SLC25A21: variants seen among roughly 807,000 people sequenced by gnomAD.
SLC25A21 encodes the protein solute carrier family 25 member 21.
In SLC25A21, 47 loss-of-function variants were observed where a neutral mutation model predicts 43.8. The ratio of observed to expected loss-of-function variants is 1.07; its 90% confidence interval spans 0.85 to 1.37. The LOEUF is 1.37. Ranked by LOEUF, SLC25A21 falls within the 40% of genes most tolerant of loss-of-function variation. SLC25A21 has a pLI of 0.00. For missense variants in SLC25A21, 352 were observed against 350.2 expected (o/e 1.00, Z -0.04); for synonymous variants, 131 against 121.3 (o/e 1.08, Z -0.52).
At chr14:37,147,440 T>C (rs1963684449) in intron 1 of SLC25A21, among the ~76,000 whole-genome samples, 1 of 152,086 alleles carries the variant, frequency 6.6e-6, no homozygotes, top group Non-Finnish European at 1.5e-5. Flanking sequence ...CACCTTCCTA[T>C]CTCATTGTCA....
At chr14:37,029,758 CTTTTT>C (rs57538608) in intron 1 of SLC25A21, among the ~76,000 whole-genome samples, 9 of 106,258 alleles carry the variant, frequency 8.5e-5, no homozygotes, top group East Asian at 2.8e-4. Flanking sequence ...TAATAGCCGA[CTTTTT>C]TTTTTTTTTT....
chr14:36,711,514 C>G lies in SLC25A21; in HGVS notation c.439-32G>C, dbSNP rs769511575. On this transcript the variant is annotated intron_variant, in intron 6 of 9. Transcript: ENST00000331299. ...AAGAGAGAAGCAAGGCCAGAATGAT[C>G]ATCTTTGGGACTGTGGAATACAGTA... is the stretch of plus-strand genomic sequence containing the variant. 3.1e-6 allele frequency: 5 copies of G among 1,608,808 alleles called. No individual in the cohort carries two copies. In the South Asian group the frequency reaches 5.6e-5, roughly 18 times the overall value.
intron 2 of SLC25A21, among the ~76,000 whole-genome samples, chr14:36,845,769 A>G (rs1468704462): frequency 6.6e-6 from 1 of 152,220 alleles, no homozygotes; most frequent in Non-Finnish European, 1.5e-5. Context: ...CATACTCTTG[A>G]CAGGCAAGTC....
chr14:36,995,639 G>GT (rs1441565599), intron 1 of SLC25A21, among the ~76,000 whole-genome samples: 2 of 152,182 alleles, frequency 1.3e-5, no homozygotes, highest in African/African-American at 4.8e-5. Context: ...AGTTAAAAAT[G>GT]TAAGTCACAC....
At chr14:36,950,258 T>C (rs1892775261) in intron 1 of SLC25A21, among the ~76,000 whole-genome samples, 1 of 152,184 alleles carries the variant, frequency 6.6e-6, no homozygotes, top group Non-Finnish European at 1.5e-5. Context: ...TAGCTTGTTA[T>C]GGATTGAACT....
intron 6 of SLC25A21, among the ~76,000 whole-genome samples, chr14:36,714,170 T>C (rs1478218275): frequency 6.6e-6 from 1 of 152,170 alleles, no homozygotes; most frequent in African/African-American, 2.4e-5. Context: ...ATCATAAAAA[T>C]AGTTATAACA....
At chr14:36,740,857 A>T (rs1437197989) in intron 3 of SLC25A21, among the ~76,000 whole-genome samples, 1 of 152,268 alleles carries the variant, frequency 6.6e-6, no homozygotes, top group South Asian at 2.1e-4. Flanking sequence ...CCTGTTTTTA[A>T]GTCTAAATTT....
intron 6 of SLC25A21, among the ~76,000 whole-genome samples, chr14:36,712,344 C>T (rs1298577490): frequency 6.7e-6 from 1 of 148,714 alleles, no homozygotes; most frequent in South Asian, 2.1e-4. Flanking sequence ...GGAAACTGTT[C>T]AGTGCTTTTT....
chr14:36,711,388 C>T lies in SLC25A21; in HGVS notation c.533G>A (p.Arg178Gln), dbSNP rs997068435. The T allele has an allele frequency of 1.2e-5, 19 of 1,613,984 alleles. No individual in the cohort carries two copies. The highest frequency in any genetic ancestry group is 3.3e-5 in the Admixed American group (2 of 59,990). The change falls in exon 7 of 10, where the codon CGA (arginine) becomes CAA (glutamine). Residue 178 changes from arginine (R) to glutamine (Q), a missense_variant. By Grantham distance (43) the Arg-to-Gln change is conservative. Coordinates refer to ENST00000331299, the MANE Select transcript of SLC25A21 (RefSeq NM_030631.4). ...ATAAACCATGTTGAAAACTCCATGT[C>T]GTCCCAAAGTTGCAGTTAATCCTTT... is the stretch of plus-strand genomic sequence containing the variant. Reference protein sequence around the residue: ...LNKGLTATLGRHGVFNMVYFG... With the variant: ...LNKGLTATLGQHGVFNMVYFG...
intron 1 of SLC25A21, among the ~76,000 whole-genome samples, chr14:37,007,977 C>A (rs141954957): frequency 6.6e-6 from 1 of 151,450 alleles, no homozygotes; most frequent in Non-Finnish European, 1.5e-5. Context: ...CAGGTTCAAG[C>A]GATTCTCCTG....
At chr14:36,896,539 C>T (rs1296003826) in intron 1 of SLC25A21, among the ~76,000 whole-genome samples, 3 of 152,172 alleles carry the variant, frequency 2.0e-5, no homozygotes, top group Admixed American at 6.5e-5. Flanking sequence ...AGCCCATTTA[C>T]ATTTAAGGTT....
intron 2 of SLC25A21, among the ~76,000 whole-genome samples, chr14:36,832,436 T>C (rs1889070577): frequency 6.6e-6 from 1 of 152,172 alleles, no homozygotes; most frequent in Non-Finnish European, 1.5e-5. Flanking sequence ...CTCATAAATA[T>C]CCTATTGCTT....
chr14:36,846,327 GA>G (rs563644145), intron 2 of SLC25A21, among the ~76,000 whole-genome samples: 1 of 152,016 alleles, frequency 6.6e-6, no homozygotes, highest in South Asian at 2.1e-4. Flanking sequence ...TACAGTCTAT[GA>G]AAAAAATAAA....
At chr14:36,685,345 T>C (rs918760437) in intron 7 of SLC25A21, among the ~76,000 whole-genome samples, 4 of 152,184 alleles carry the variant, frequency 2.6e-5, no homozygotes, top group African/African-American at 9.7e-5. Flanking sequence ...AAATGCTCAT[T>C]TGTGTGTGGA....
intron 1 of SLC25A21, among the ~76,000 whole-genome samples, chr14:37,044,641 T>G (rs1024276759): frequency 6.6e-6 from 1 of 152,174 alleles, no homozygotes; most frequent in Admixed American, 6.5e-5. Context: ...AAACCTGAAT[T>G]TTGATGTACA....
chr14:37,002,603 T>C (rs1006413275), intron 1 of SLC25A21, among the ~76,000 whole-genome samples: 1 of 152,188 alleles, frequency 6.6e-6, no homozygotes, highest in African/African-American at 2.4e-5. Flanking sequence ...TAGGAGTACA[T>C]ACAGCATAGT....
chr14:36,717,362 C>T (rs532281890), intron 6 of SLC25A21, among the ~76,000 whole-genome samples: 8 of 152,142 alleles, frequency 5.3e-5, no homozygotes, highest in Non-Finnish European at 7.4e-5. Flanking sequence ...AAAAAAGATA[C>T]GCAGATATAG....
chr14:36,698,055 T>C (rs1264731986), intron 7 of SLC25A21, among the ~76,000 whole-genome samples: 2 of 152,308 alleles, frequency 1.3e-5, no homozygotes, highest in African/African-American at 4.8e-5. Context: ...CTGGTACCGG[T>C]TGTTTCTTTC....
At chr14:36,716,096 T>TAATAAATAAATAAATAAATA (rs112429500) in intron 6 of SLC25A21, among the ~76,000 whole-genome samples, 9 of 151,462 alleles carry the variant, frequency 5.9e-5, no homozygotes, top group African/African-American at 2.2e-4. Context: ...GTCTCAAAAA[T>TAATAAATAAATAAATAAATA]AATAAATAAA....
Sources: allele counts gnomAD v4.1 joint callset (sites outside exome capture counted in the v4.1 genomes callset), GRCh38; gene constraint gnomAD v4.1.1; transcripts MANE v1.5; gene names NCBI Gene and HGNC (gene_info 2026-07-23, HGNC 2026-07-21).